The following MIA2 variants were observed in gnomAD, a reference collection of about 807,000 sequenced individuals.
The protein encoded by MIA2 is melanoma inhibitory activity protein 2.
MIA2 carries 127 observed loss-of-function variants against 167.8 expected under a neutral mutation model. That is an observed-to-expected ratio of 0.76 (90% CI 0.66 to 0.88). The LOEUF (loss-of-function observed/expected upper bound fraction) is 0.88, where lower values mean the gene tolerates loss of function less well. Among genes scored for constraint, MIA2 ranks in the 40% least tolerant of loss-of-function variants. The pLI is 0.00. For synonymous variants in MIA2, 552 were observed against 541.9 expected (o/e 1.02, Z -0.26); for missense variants, 1,690 against 1,624.7 (o/e 1.04, Z -0.69).
In MIA2 at chr14:39,247,834, C is replaced by T. The variant is rs188301586; in HGVS notation, c.1260C>T (p.Asp420=). The T allele has an allele frequency of 2.9e-4, 469 of 1,591,916 alleles. 4 individuals are homozygous for T. The Admixed American group carries it at 5.4e-3, about 18-fold the overall frequency. The change falls in exon 4 of 29, where the codon GAC becomes GAT. Residue 420 remains aspartate, a synonymous_variant. Coordinates refer to ENST00000640607, the MANE Select transcript of MIA2 (RefSeq NM_001329214.4). The stretch of plus-strand genomic sequence containing the variant: ...AACATCCTCTAACAAGTGAATTAGA[C>T]CCTGAAAAAGAACAAGAAATAGAAA... ...EHEHPLTSEL[D]PEKEQEIETI...
intron 12 of MIA2, 120 bp downstream of exon 12, chr14:39,294,191 T>A (rs75224331): frequency 5.2e-6 from 1 of 190,926 alleles, no homozygotes. Context: ...CAGATATGTA[T>A]TTTTTTTTTT....
Position 39,320,928 on chromosome 14 carries a change from A to G in MIA2, c.3368A>G (p.Glu1123Gly). Residue 1123 changes from glutamate to glycine, a missense_variant and splice_region_variant, in exon 24 of 29, where the codon GAG becomes GGG. Glu to Gly is a moderately conservative substitution (Grantham distance 98, BLOSUM62 -2). Coordinates refer to ENST00000640607, the MANE Select transcript of MIA2 (RefSeq NM_001329214.4). Reference protein sequence around the residue: ...LDVPNTAFGREHSPYGPSPLG... With the variant: ...LDVPNTAFGRGHSPYGPSPLG... Reference sequence around the variant, plus strand: ...AAATATGCTGTTTTAATTATTCCAGAGCATTCCCCATATGGTCCCTCACCA... The same window carrying G: ...AAATATGCTGTTTTAATTATTCCAGGGCATTCCCCATATGGTCCCTCACCA... The G allele has an allele frequency of 6.2e-7, 1 of 1,612,304 alleles. No individual in the cohort carries two copies. Among genetic ancestry groups the G allele is most frequent in the East Asian group, 2.2e-5 (1 of 44,842 alleles).
intron 9 of MIA2, among the ~76,000 whole-genome samples, chr14:39,283,122 T>C (rs2059179475): frequency 6.6e-6 from 1 of 152,218 alleles, no homozygotes; most frequent in African/African-American, 2.4e-5. Context: ...ATACCACAGT[T>C]TCTTTATTCG....
At chr14:39,290,017 C>A (rs1328025775) in intron 9 of MIA2, among the ~76,000 whole-genome samples, 1 of 152,198 alleles carries the variant, frequency 6.6e-6, no homozygotes, top group East Asian at 1.9e-4. Flanking sequence ...CAAAATAATT[C>A]TGGATGCTTT....
At position 39,236,996 on chromosome 14, in the gene MIA2, G is replaced by C. The variant is rs1189523205; in HGVS notation, c.190G>C (p.Glu64Gln). The C allele has an allele frequency of 1.2e-6, 2 of 1,614,030 alleles. No individual in the cohort carries two copies. Among genetic ancestry groups the C allele is most frequent in the African/African-American group, 2.7e-5 (2 of 74,944 alleles). The change falls in exon 2 of 29, where the codon GAA becomes CAA. Residue 64 changes from glutamate to glutamine, a missense_variant. Glu to Gln is a conservative substitution (Grantham distance 29, BLOSUM62 2). Coordinates refer to ENST00000640607, the MANE Select transcript of MIA2 (RefSeq NM_001329214.4). ...DCRYLNFTKG[E>Q]EISVYVKLAG... Reference sequence around the variant, plus strand: ...CCGATACCTGAACTTCACTAAGGGAGAAGAGATATCTGTTTATGTTAAACT... The same window carrying C: ...CCGATACCTGAACTTCACTAAGGGACAAGAGATATCTGTTTATGTTAAACT...
At chr14:39,267,490 T>C in intron 6 of MIA2, 1 of 1,611,958 alleles carries the variant, frequency 6.2e-7, no homozygotes, top group Non-Finnish European at 8.5e-7. Flanking sequence ...CCCTCAACCG[T>C]ATTTGGGGCT....
intron 23 of MIA2, among the ~76,000 whole-genome samples, chr14:39,380,390 C>T (rs1307407147): frequency 2.0e-5 from 3 of 151,980 alleles, no homozygotes; most frequent in Non-Finnish European, 4.4e-5. Context: ...AGTCGGTGGG[C>T]TAGAAGGCAA....
chr14:39,294,149 C>T, intron 12 of MIA2, 78 bp downstream of exon 12: 1 of 1,035,390 alleles, frequency 9.7e-7, no homozygotes, highest in Non-Finnish European at 1.4e-6. Flanking sequence ...AGAAATAAGA[C>T]ACAATAGTAG....
chr14:39,382,896 A>T lies in MIA2; in HGVS notation c.2249-3989A>T, dbSNP rs551131704. Reference sequence around the variant, plus strand: ...TAATTAGGTACAATAACAAGATAAGAATTGGACACTCTTTACTAATTGAAC... The same window carrying T: ...TAATTAGGTACAATAACAAGATAAGTATTGGACACTCTTTACTAATTGAAC... On this transcript the variant is annotated intron_variant, in intron 23 of 23. Transcript: ENST00000341502. Among the ~76,000 whole-genome samples the T allele has an allele frequency of 7.1e-4, 96 of 134,670 alleles. 2 individuals are homozygous for T. In the South Asian group the frequency reaches 0.02, roughly 28 times the overall value. The allele number at this position is 134,670 out of a possible 152,430, so 88.3% of individuals were successfully genotyped here. A position where few individuals can be genotyped will look rare whatever the true frequency, so the allele number is the denominator to read the frequency against.
chr14:39,384,149 CTTG>C (rs2075223822), intron 23 of MIA2, among the ~76,000 whole-genome samples: 1 of 152,158 alleles, frequency 6.6e-6, no homozygotes, highest in South Asian at 2.1e-4. Context: ...GACTGACTCT[CTTG>C]TTAGAGGTTA....
chr14:39,380,499 C>G, intron 23 of MIA2, among the ~76,000 whole-genome samples: 1 of 151,942 alleles, frequency 6.6e-6, no homozygotes, highest in Middle Eastern at 3.2e-3. Flanking sequence ...TAGAGAGCAT[C>G]CTGGCCAACA....
At chr14:39,306,812 G>GTTA (rs2063410129) in intron 17 of MIA2, among the ~76,000 whole-genome samples, 1 of 152,026 alleles carries the variant, frequency 6.6e-6, no homozygotes, top group Non-Finnish European at 1.5e-5. Flanking sequence ...AGGAGTTGAG[G>GTTA]TTATTATCTT....
chr14:39,347,693 G>A lies in MIA2; in HGVS notation c.3779-20G>A. On this transcript the variant is annotated intron_variant, in intron 26 of 28. Coordinates refer to ENST00000640607, the MANE Select transcript of MIA2 (RefSeq NM_001329214.4). ...AAGTGATAAATCATGTACTTTTCAT[G>A]GTTTAACTTTTATGTCTAGATGGGT... 6.2e-6 allele frequency: 10 copies of A among 1,609,610 alleles called. No homozygotes were observed. Among genetic ancestry groups the A allele is most frequent in the Non-Finnish European group, 7.6e-6 (9 of 1,177,694 alleles).
chr14:39,242,877 C>T (rs2152617505), intron 3 of MIA2, among the ~76,000 whole-genome samples: 1 of 151,754 alleles, frequency 6.6e-6, no homozygotes, highest in East Asian at 2.0e-4. Context: ...AATCCCAGCA[C>T]TTTGGGAGGC....
intron 18 of MIA2, among the ~76,000 whole-genome samples, chr14:39,312,327 T>G (rs1406061875): frequency 6.6e-6 from 1 of 152,278 alleles, no homozygotes; most frequent in African/African-American, 2.4e-5. Context: ...CCCGTCGCAC[T>G]TTCGTGCTTT....
chr14:39,340,204 A>G (rs2071481175), intron 25 of MIA2, among the ~76,000 whole-genome samples: 1 of 152,208 alleles, frequency 6.6e-6, no homozygotes, highest in Non-Finnish European at 1.5e-5. Flanking sequence ...AGGAGTGTGT[A>G]TGTGGTTTCT....
rs181488586 is a variant in MIA2, at chr14:39,278,362, A to G, written c.2020-975A>G. Reference sequence around the variant, plus strand: ...CCTATCTCTTAACTTCTATTTTTCAATTTCTTTATGGTTTTCTATACCTTT... The same window carrying G: ...CCTATCTCTTAACTTCTATTTTTCAGTTTCTTTATGGTTTTCTATACCTTT... On this transcript the variant is annotated intron_variant, in intron 7 of 28. Coordinates refer to ENST00000640607, the MANE Select transcript of MIA2 (RefSeq NM_001329214.4). 7.9e-5 allele frequency among the ~76,000 whole-genome samples: 12 copies of G among 151,976 alleles called. No homozygotes were observed. The East Asian group carries it at 2.1e-3, about 27-fold the overall frequency.
chr14:39,280,919 T>G (rs1300972341), intron 9 of MIA2, among the ~76,000 whole-genome samples: 1 of 69,248 alleles, frequency 1.4e-5, no homozygotes, highest in African/African-American at 1.0e-4. Context: ...TAGTTTTTTT[T>G]TTTTTTTTTT....
At chr14:39,351,171 C>T (rs928905348), downstream of MIA2, 5 of 151,988 alleles carry the variant, frequency 3.3e-5, no homozygotes, top group Non-Finnish European at 7.4e-5. Flanking sequence ...TGAAGCATAA[C>T]TAATAAACAT....
Sources: gnomAD v4.1 joint callset for allele counts (sites outside exome capture counted in the v4.1 genomes callset) on GRCh38, gnomAD v4.1.1 for gene constraint, MANE v1.5 for transcripts, NCBI Gene and HGNC (gene_info 2026-07-23, HGNC 2026-07-21) for gene names.